The following ARMC9 variants were observed in gnomAD, a reference collection of about 807,000 sequenced individuals.
ARMC9 encodes lisH domain-containing protein ARMC9.
A neutral mutation model predicts 107.0 loss-of-function variants in ARMC9; 94 were observed. The ratio of observed to expected loss-of-function variants is 0.88; its 90% CI spans 0.74 to 1.04. The LOEUF (loss-of-function observed/expected upper bound fraction) is 1.04. ARMC9 is among the 50% of genes least tolerant of loss of function. ARMC9 has a pLI of 0.00. For synonymous variants in ARMC9, 380 were observed against 396.9 expected, an observed-to-expected ratio of 0.96 and a Z score of 0.51; for missense variants, 942 against 1,030.1, an observed-to-expected ratio of 0.91 and a Z score of 1.17.
At chr2:231,328,999 A>G (rs1360347205) in intron 19 of ARMC9, among the ~76,000 whole-genome samples, 2 of 150,974 alleles carry the variant, frequency 1.3e-5, no homozygotes, top group African/African-American at 4.9e-5. Flanking sequence ...TGTATTTTTT[A>G]GTAGAGACAG....
intron 19 of ARMC9, among the ~76,000 whole-genome samples, chr2:231,330,229 C>CTTTTTTTTTTTTT (rs201716312): frequency 2.2e-5 from 3 of 134,828 alleles, no homozygotes; most frequent in Non-Finnish European, 3.1e-5. Flanking sequence ...CTTTTTCTTT[C>CTTTTTTTTTTTTT]TTTTTTTTTT....
chr2:231,367,571 C>T lies in ARMC9; in HGVS notation c.2262-2382C>T, dbSNP rs1344814897. On this transcript the variant is annotated intron_variant, in intron 23 of 24. Transcript: ENST00000611582. ...CCCTTACCAGTGCTGGGAATAGTAC[C>T]GCTGTTCATGTGAGTCGTTTTTACT... 2.6e-5 allele frequency among the ~76,000 whole-genome samples: 4 copies of T among 152,296 alleles called. 1 individual carries two copies. The highest frequency in any genetic ancestry group is 2.9e-5 in the Non-Finnish European group (2 of 68,016).
At chr2:231,251,358 G>T (rs1024488153) in intron 9 of ARMC9, among the ~76,000 whole-genome samples, 21 of 151,756 alleles carry the variant, frequency 1.4e-4, no homozygotes, top group African/African-American at 4.8e-4. Context: ...GTAGAGATGG[G>T]GTTTCACCAT....
At chr2:231,219,163 T>C (rs2033852186) in intron 5 of ARMC9, among the ~76,000 whole-genome samples, 1 of 152,012 alleles carries the variant, frequency 6.6e-6, no homozygotes, top group Admixed American at 6.6e-5. Flanking sequence ...TTGTCAAGTA[T>C]CTTAGTTATA....
chr2:231,258,315 G>T (rs1410251449), intron 10 of ARMC9, among the ~76,000 whole-genome samples: 2 of 152,062 alleles, frequency 1.3e-5, no homozygotes, highest in Admixed American at 6.6e-5. Flanking sequence ...CCGAGTAGCT[G>T]GGACTACAGG....
chr2:231,261,589 G>T (rs1046750024), intron 11 of ARMC9, among the ~76,000 whole-genome samples: 2 of 152,136 alleles, frequency 1.3e-5, no homozygotes, highest in Non-Finnish European at 2.9e-5. Context: ...ACTTTCCTGA[G>T]CTAGACCTCA....
At chr2:231,239,418 C>G (rs1412416048) in intron 8 of ARMC9, among the ~76,000 whole-genome samples, 3 of 152,180 alleles carry the variant, frequency 2.0e-5, no homozygotes, top group Non-Finnish European at 4.4e-5. Context: ...ATCACTCATT[C>G]AGCAAGCACT....
chr2:231,241,810 C>G lies in ARMC9; in HGVS notation c.879+1769C>G, dbSNP rs116303141. ...AGGGCTAAGGCTGGTACAAAAAATG[C>G]ATATGCTGTGAGCTGCCTCTCCGGA... On this transcript the variant is annotated intron_variant, in intron 9 of 24. Coordinates refer to ENST00000611582, the MANE Select transcript of ARMC9 (RefSeq NM_001352754.2). 5.6e-3 allele frequency among the ~76,000 whole-genome samples: 856 copies of G among 152,168 alleles called. 7 individuals are homozygous for G. The highest frequency in any genetic ancestry group is 0.019 in the African/African-American group (805 of 41,528).
intron 16 of ARMC9, among the ~76,000 whole-genome samples, chr2:231,280,271 A>G (rs1201991002): frequency 1.3e-5 from 2 of 152,136 alleles, no homozygotes; most frequent in African/African-American, 2.4e-5. Flanking sequence ...CCTGGCCAAC[A>G]TGGTGAAACC....
chr2:231,265,188 A>G (rs895632014), intron 12 of ARMC9, among the ~76,000 whole-genome samples: 7 of 152,228 alleles, frequency 4.6e-5, no homozygotes, highest in African/African-American at 1.4e-4. Context: ...TATGGAAAAC[A>G]GTACGGAGAT....
Position 231,372,699 on chromosome 2 carries a change from G to GGGGTGTGTGTGTGTGTGTGT in ARMC9, c.*1165_*1166insGGTGTGTGTGTGTGTGTGTG, listed in dbSNP as rs1233196380. 6 of 127,674 alleles carry GGGGTGTGTGTGTGTGTGTGT rather than the reference G, an allele frequency of 4.7e-5. No individual in the cohort carries two copies. Among genetic ancestry groups the GGGGTGTGTGTGTGTGTGTGT allele is most frequent in the African/African-American group, 1.8e-4 (6 of 33,872 alleles). The allele number at this position is 127,674 out of a possible 1,614,324, so 7.9% of individuals were successfully genotyped here. On this transcript the variant is annotated 3_prime_UTR_variant, in exon 25 of 25. Transcript: ENST00000611582. ...CAAATAAAACCCATCAGTATTTAGT[G>GGGGTGTGTGTGTGTGTGTGT]GTGTGTGTGTGTGTGTGTGTGTGTG...
intron 19 of ARMC9, among the ~76,000 whole-genome samples, chr2:231,317,990 G>A (rs1480002479): frequency 6.6e-6 from 1 of 150,640 alleles, no homozygotes; most frequent in African/African-American, 2.4e-5. Context: ...TCTAACATCT[G>A]GGCCCACTCA....
chr2:231,268,728 A>G (rs1239845496), intron 12 of ARMC9, among the ~76,000 whole-genome samples: 3 of 152,168 alleles, frequency 2.0e-5, no homozygotes, highest in African/African-American at 7.2e-5. Context: ...TTTTGAAGAC[A>G]TTGCTCCATT....
In ARMC9 at chr2:231,217,941, C is replaced by T. The variant is rs549850047; in HGVS notation, c.504+1148C>T. ...CTCCTGACCTCAGGTGATCCACCTGCCTCGGCCTCCCAAAGTGCTAGGATT... is the reference window on the plus strand; with the variant it reads ...CTCCTGACCTCAGGTGATCCACCTGTCTCGGCCTCCCAAAGTGCTAGGATT... On this transcript the variant is annotated intron_variant, in intron 5 of 24. Transcript: ENST00000611582. Among the ~76,000 whole-genome samples the T allele has an allele frequency of 3.9e-5, 6 of 152,246 alleles. No individual in the cohort carries two copies. In the South Asian group the frequency reaches 1.2e-3, roughly 32 times the overall value.
At chr2:231,363,899 A>AG (rs2045698654) in intron 23 of ARMC9, among the ~76,000 whole-genome samples, 1 of 150,300 alleles carries the variant, frequency 6.7e-6, no homozygotes, top group African/African-American at 2.4e-5. Flanking sequence ...AAAAAAAAAA[A>AG]AAAAAAAAAA....
At chr2:231,361,177 G>C (rs1458817479) in intron 23 of ARMC9, among the ~76,000 whole-genome samples, 2 of 152,214 alleles carry the variant, frequency 1.3e-5, no homozygotes, top group Non-Finnish European at 2.9e-5. Context: ...TCCAGGGCTG[G>C]GTGATGGGGT....
chr2:231,262,621 G>C (rs952553677), intron 12 of ARMC9, among the ~76,000 whole-genome samples: 2 of 152,076 alleles, frequency 1.3e-5, no homozygotes, highest in Admixed American at 6.6e-5. Context: ...GCTCTTTTCT[G>C]CCGTTTTTCC....
chr2:231,229,473 GGAATAAA>G (rs1281831883), intron 7 of ARMC9, among the ~76,000 whole-genome samples: 1 of 152,112 alleles, frequency 6.6e-6, no homozygotes, highest in African/African-American at 2.4e-5. Flanking sequence ...AATGCTGTGT[GGAATAAA>G]AACAGGTTGA....
intron 23 of ARMC9, among the ~76,000 whole-genome samples, chr2:231,368,825 A>G (rs2045910178): frequency 6.6e-6 from 1 of 152,026 alleles, no homozygotes; most frequent in African/African-American, 2.4e-5. Flanking sequence ...GGTTTTCACC[A>G]TGCCGGCCAG....
Sources: allele counts gnomAD v4.1 joint callset (sites outside exome capture counted in the v4.1 genomes callset), GRCh38; gene constraint gnomAD v4.1.1; transcripts MANE v1.5; gene names NCBI Gene and HGNC (gene_info 2026-07-23, HGNC 2026-07-21).